Variants in SI observed in about 807,000 individuals in gnomAD.
SI encodes the protein sucrase-isomaltase.
A neutral mutation model predicts 253.3 loss-of-function variants in SI; 235 were observed. That is an observed-to-expected ratio of 0.93 (90% CI 0.83 to 1.03). The LOEUF is 1.03. Ranked by LOEUF, SI falls within the 50% of genes least tolerant of loss-of-function variation. The pLI is 0.00. For synonymous variants in SI, 819 were observed against 712.0 expected (o/e 1.15, Z -2.39); for missense variants, 2,442 against 2,211.1 (o/e 1.10, Z -2.09).
intron 23 of SI, 41 bp downstream of exon 23, chr3:165,033,354 C>T (rs754935807): frequency 6.7e-7 from 1 of 1,503,016 alleles, no homozygotes; most frequent in Admixed American, 1.9e-5. Flanking sequence ...TAGGCATGAA[C>T]AAATTATGCA....
At chr3:165,074,011 A>G (rs910074309) in intron 3 of SI, among the ~76,000 whole-genome samples, 10 of 151,962 alleles carry the variant, frequency 6.6e-5, no homozygotes, top group Non-Finnish European at 1.2e-4. Flanking sequence ...GTTTGTGGGG[A>G]AAAAAAGGAA....
rs986588002 is a variant in SI, at chr3:165,015,146, T to C, written c.3976A>G (p.Thr1326Ala). The change falls in exon 33 of 48, where the codon ACC becomes GCC. Residue 1326 changes from threonine to alanine, a missense_variant. Coordinates refer to ENST00000264382, the MANE Select transcript of SI (RefSeq NM_001041.4). ...QNDVFVKWPNTNDICWAKVWP... is the reference protein window; with the variant it reads ...QNDVFVKWPNANDICWAKVWP... ...ACCTTTGCCCAACAAATGTCATTGG[T>C]GTTTGGCCATTTGACAAAGACATCA... 9 of 1,612,340 alleles carry C rather than the reference T, an allele frequency of 5.6e-6. No individual in the cohort carries two copies. Among genetic ancestry groups the C allele is most frequent in the Non-Finnish European group, 7.6e-6 (9 of 1,178,552 alleles).
intron 25 of SI, among the ~76,000 whole-genome samples, chr3:165,028,060 C>T (rs1365754162): frequency 1.3e-5 from 2 of 151,286 alleles, no homozygotes; most frequent in East Asian, 2.0e-4. Context: ...CCAAAAAGCT[C>T]CTAGAACTGA....
At chr3:165,037,456 C>T (rs1712589801) in intron 21 of SI, among the ~76,000 whole-genome samples, 2 of 151,846 alleles carry the variant, frequency 1.3e-5, no homozygotes, top group African/African-American at 4.8e-5. Flanking sequence ...GTTTCTCTCT[C>T]GCTCTTTACC....
chr3:165,018,136 T>C (rs1263791531), intron 28 of SI, 70 bp from the exon 29 acceptor site: 1 of 901,704 alleles, frequency 1.1e-6, no homozygotes, highest in African/African-American at 1.7e-5. Flanking sequence ...AATGTTATTT[T>C]AAAATTTATT....
At chr3:165,029,461 C>T (rs1304722154) in intron 25 of SI, among the ~76,000 whole-genome samples, 2 of 149,554 alleles carry the variant, frequency 1.3e-5, no homozygotes, top group Non-Finnish European at 1.5e-5. Context: ...AGTAATTATA[C>T]AAAAAAGATA....
chr3:165,068,836 A>C lies in SI; in HGVS notation c.374-5T>G, dbSNP rs1397113692. 6.5e-7 allele frequency: 1 copy of C among 1,534,102 alleles called. No homozygotes were observed. Among genetic ancestry groups the C allele is most frequent in the Non-Finnish European group, 8.8e-7 (1 of 1,134,654 alleles). On this transcript the variant is annotated splice_region_variant and splice_polypyrimidine_tract_variant and intron_variant, in intron 4 of 47. Transcript: ENST00000264382. ...TGTTTAATTTGGCTTCAACTCCTTA[A>C]AGAATAAAAAAAAGCTGCCATGAGT...
intron 25 of SI, among the ~76,000 whole-genome samples, chr3:165,026,542 C>A (rs1323616517): frequency 2.0e-5 from 3 of 151,354 alleles, no homozygotes; most frequent in African/African-American, 7.3e-5. Flanking sequence ...TTCTATTCAT[C>A]AGCACATGGA....
Position 164,994,372 on chromosome 3 carries a change from C to G in SI, c.4726G>C (p.Ala1576Pro), listed in dbSNP as rs759447493. Reference sequence around the variant, plus strand: ...TTTAGAATATTCCTTGACATTTCAGCAAAAGTTTCATTCCAGGAAGCGGGA... The same window carrying G: ...TTTAGAATATTCCTTGACATTTCAGGAAAAGTTTCATTCCAGGAAGCGGGA... Reference protein sequence around the residue: ...QDPASWNETFAEMSRNILNIR... With the variant: ...QDPASWNETFPEMSRNILNIR... Residue 1576 changes from alanine to proline, a missense_variant, in exon 41 of 48, where the codon GCT becomes CCT. Coordinates refer to ENST00000264382, the MANE Select transcript of SI (RefSeq NM_001041.4). 8 of 1,610,982 alleles carry G rather than the reference C, an allele frequency of 5.0e-6. No homozygotes were observed. The highest frequency in any genetic ancestry group is 1.3e-5 in the African/African-American group (1 of 74,834).
At chr3:165,049,083 A>T in intron 15 of SI, 44 bp downstream of exon 15, 1 of 1,050,930 alleles carries the variant, frequency 9.5e-7, no homozygotes. Context: ...AAACATTTTT[A>T]AGCAATAAAT....
At chr3:165,022,535 TCACACACACACACACACACACA>T (rs10686237) in intron 26 of SI, among the ~76,000 whole-genome samples, 1 of 137,846 alleles carries the variant, frequency 7.3e-6, no homozygotes, top group African/African-American at 2.6e-5. Context: ...TTGTGCCATC[TCACACACACACACACACACACA>T]CACACACACA....
chr3:165,070,100 T>C (rs1389605449), intron 3 of SI, among the ~76,000 whole-genome samples: 1 of 146,774 alleles, frequency 6.8e-6, no homozygotes, highest in Non-Finnish European at 1.5e-5. Flanking sequence ...TATATATTTA[T>C]ATATTTTATA....
chr3:165,052,287 A>G (rs1354620421), intron 13 of SI, among the ~76,000 whole-genome samples: 2 of 152,308 alleles, frequency 1.3e-5, no homozygotes, highest in Non-Finnish European at 2.9e-5. Context: ...GATTTTTAAT[A>G]TTACAACTAG....
At chr3:165,071,814 C>T (rs1300466559) in intron 3 of SI, among the ~76,000 whole-genome samples, 1 of 152,050 alleles carries the variant, frequency 6.6e-6, no homozygotes, top group African/African-American at 2.4e-5. Flanking sequence ...AAAGAGAGGC[C>T]TCACTAGAAA....
At chr3:165,039,038 A>G (rs773656299) in intron 20 of SI, 40 bp downstream of exon 20, 5 of 1,297,856 alleles carry the variant, frequency 3.9e-6, no homozygotes, top group Non-Finnish European at 5.6e-6. Context: ...GTTTGAAAAT[A>G]TAATACTTGT....
At position 165,006,919 on chromosome 3, in the gene SI, T is replaced by C; in HGVS notation, c.4303A>G (p.Thr1435Ala). Residue 1435 changes from threonine (T) to alanine (A), a missense_variant, in exon 37 of 48, where the codon ACA becomes GCA. Thr to Ala is a moderately conservative substitution (Grantham distance 58). Coordinates refer to ENST00000264382, the MANE Select transcript of SI (RefSeq NM_001041.4). ...ATCTGCTCAGCTTCCATGCAAATTG[T>C]TCTGAAATGTAATCCATCAGTTCTT... is the stretch of plus-strand genomic sequence containing the variant. ...TKRTDGLHFR[T>A]ICMEAEQILS... The C allele has an allele frequency of 6.2e-7, 1 of 1,611,996 alleles. No individual in the cohort carries two copies. Among genetic ancestry groups the C allele is most frequent in the South Asian group, 1.1e-5 (1 of 91,012 alleles).
chr3:165,031,940 A>G (rs2108204741), intron 24 of SI, among the ~76,000 whole-genome samples: 1 of 151,354 alleles, frequency 6.6e-6, no homozygotes, highest in East Asian at 1.9e-4. Flanking sequence ...ATCCAATAAC[A>G]GTGCATCCAA....
chr3:165,058,235 A>G (rs9882556), intron 12 of SI, among the ~76,000 whole-genome samples: 88,280 of 151,612 alleles, frequency 0.58, 26,099 homozygotes, highest in East Asian at 0.81. Flanking sequence ...ATGTTTTTAA[A>G]ACAAATGATA....
intron 44 of SI, among the ~76,000 whole-genome samples, chr3:164,990,480 A>C (rs541003652): frequency 2.6e-5 from 4 of 152,242 alleles, no homozygotes; most frequent in South Asian, 4.1e-4. Context: ...GTTGGAAGAC[A>C]GTTTTCCATG....
Sources: allele counts gnomAD v4.1 joint callset (sites outside exome capture counted in the v4.1 genomes callset), GRCh38; gene constraint gnomAD v4.1.1; transcripts MANE v1.5; gene names NCBI Gene and HGNC (gene_info 2026-07-23, HGNC 2026-07-21).